Variants in EFCAB5 observed in about 807,000 individuals in gnomAD.
EFCAB5 encodes EF-hand calcium-binding domain-containing protein 5.
Under a neutral mutation model 167.9 loss-of-function variants are expected in EFCAB5, and 131 were observed. The ratio of observed to expected loss-of-function variants is 0.78; its 90% CI spans 0.68 to 0.90. The LOEUF (loss-of-function observed/expected upper bound fraction) is 0.90. Among genes scored for constraint, EFCAB5 ranks in the 40% least tolerant of loss-of-function variants. EFCAB5 has a pLI of 0.00. For synonymous variants in EFCAB5, 574 were observed against 602.8 expected (o/e 0.95, Z 0.70); for missense variants, 1,663 against 1,745.2 (o/e 0.95, Z 0.84).
intron 4 of EFCAB5, among the ~76,000 whole-genome samples, chr17:29,986,732 C>T (rs1338469381): frequency 6.8e-5 from 10 of 147,814 alleles, no homozygotes; most frequent in East Asian, 2.0e-4. Flanking sequence ...CTGCAGGCTC[C>T]GCCCCCTGGG....
In EFCAB5 at chr17:30,057,007, G is replaced by A. The variant is rs568365337; in HGVS notation, c.2366-669G>A. 5.3e-5 allele frequency among the ~76,000 whole-genome samples: 8 copies of A among 152,180 alleles called. No individual in the cohort carries two copies. The East Asian group carries it at 1.2e-3, about 22-fold the overall frequency. On this transcript the variant is annotated intron_variant, in intron 12 of 22. Transcript: ENST00000394835. ...GATTGAATCAATGAATAAATCAAAC[G>A]GAAGTCACTTTGCTGACATTTTATG...
intron 5 of EFCAB5, among the ~76,000 whole-genome samples, chr17:29,994,907 C>A (rs1038372936): frequency 1.3e-5 from 2 of 152,174 alleles, no homozygotes; most frequent in African/African-American, 4.8e-5. Context: ...TTAACCATTT[C>A]AATGCAGTAT....
At chr17:30,074,124 T>G (rs944981259) in intron 14 of EFCAB5, 3 of 152,344 alleles carry the variant, frequency 2.0e-5, no homozygotes, top group Admixed American at 6.5e-5. Flanking sequence ...AGCATAATTT[T>G]TACTTTTTTA....
At chr17:29,978,976 A>G (rs2068116422) in intron 4 of EFCAB5, among the ~76,000 whole-genome samples, 1 of 152,120 alleles carries the variant, frequency 6.6e-6, no homozygotes, top group South Asian at 2.1e-4. Flanking sequence ...AGTGGGGAGT[A>G]TGCTTACTCT....
chr17:30,006,588 T>C (rs2068778460), intron 7 of EFCAB5, among the ~76,000 whole-genome samples: 1 of 152,276 alleles, frequency 6.6e-6, no homozygotes, highest in East Asian at 1.9e-4. Context: ...TCTACATTAC[T>C]ATTTTCTTCC....
intron 4 of EFCAB5, among the ~76,000 whole-genome samples, chr17:29,992,689 G>T (rs1459239184): frequency 6.6e-6 from 1 of 152,176 alleles, no homozygotes; most frequent in African/African-American, 2.4e-5. Flanking sequence ...CCATTTGTCT[G>T]TTGGAGGACA....
Position 30,082,952 on chromosome 17 carries a change from A to G in EFCAB5, c.3488A>G (p.His1163Arg). ...HYVHSREHILHIVITGIGWLY... is the reference protein window; with the variant it reads ...HYVHSREHILRIVITGIGWLY... ...GTCCACAGCCGGGAGCACATTCTGC[A>G]TATTGTGATCACTGGCATAGGCTGG... Residue 1163 changes from histidine to arginine, a missense_variant, in exon 18 of 23, where the codon CAT becomes CGT. By Grantham distance (29) the His-to-Arg change is conservative. Transcript: ENST00000394835. 6.2e-7 allele frequency: 1 copy of G among 1,613,996 alleles called. No homozygotes were observed. Among genetic ancestry groups the G allele is most frequent in the South Asian group, 1.1e-5 (1 of 91,082 alleles).
At chr17:30,017,113 G>C (rs1027462191) in intron 7 of EFCAB5, among the ~76,000 whole-genome samples, 2 of 152,012 alleles carry the variant, frequency 1.3e-5, no homozygotes, top group African/African-American at 4.8e-5. Flanking sequence ...GGAGGTTGCA[G>C]CTATAGTGAG....
chr17:29,977,303 A>G (rs994734556), intron 4 of EFCAB5, among the ~76,000 whole-genome samples: 3 of 152,284 alleles, frequency 2.0e-5, no homozygotes, highest in African/African-American at 7.2e-5. Context: ...AATTCATAAA[A>G]CTATGTGCCA....
intron 8 of EFCAB5, among the ~76,000 whole-genome samples, chr17:30,050,683 A>G (rs936601352): frequency 6.6e-6 from 1 of 152,152 alleles, no homozygotes; most frequent in African/African-American, 2.4e-5. Flanking sequence ...AACAATCATT[A>G]TTTCTGGGTG....
intron 8 of EFCAB5, among the ~76,000 whole-genome samples, chr17:30,044,173 C>T (rs980471911): frequency 5.9e-5 from 9 of 152,096 alleles, no homozygotes; most frequent in African/African-American, 1.9e-4. Context: ...TTCAATTATT[C>T]ATCAGATTAT....
At chr17:29,958,183 T>A (rs926411211) in intron 3 of EFCAB5, among the ~76,000 whole-genome samples, 2 of 152,234 alleles carry the variant, frequency 1.3e-5, no homozygotes, top group Non-Finnish European at 2.9e-5. Flanking sequence ...CTGAATATTG[T>A]TATCTTTTTC....
chr17:30,090,863 G>A (rs572391516), intron 20 of EFCAB5, among the ~76,000 whole-genome samples, 189 bp downstream of exon 20: 1 of 152,144 alleles, frequency 6.6e-6, no homozygotes, highest in South Asian at 2.1e-4. Context: ...GAAACAGCCT[G>A]GAATCACATT....
intron 7 of EFCAB5, 114 bp downstream of exon 7, chr17:30,000,090 T>C: frequency 1.5e-6 from 1 of 687,212 alleles, no homozygotes; most frequent in Non-Finnish European, 2.4e-6. Context: ...AAAACTTATT[T>C]TATACATTCT....
In EFCAB5 at chr17:29,942,272, G is replaced by A. The variant is rs751355455; in HGVS notation, c.75G>A (p.Trp25Ter). 9 of 1,590,918 alleles carry A rather than the reference G, an allele frequency of 5.7e-6. No individual in the cohort carries two copies. Residue 25 changes from tryptophan (W) to a stop codon, truncating the protein, a stop_gained, in exon 2 of 23, where the codon TGG (tryptophan) becomes TGA (stop). Transcript: ENST00000394835. LOFTEE classifies it high-confidence loss of function. ...ENRKEDKERKWNLTEVKELHE... is the reference protein window; with the variant it reads ...ENRKEDKERK Reference sequence around the variant, plus strand: ...GAAAAGAAGACAAAGAGAGGAAATGGAACTTAACTGAAGTGAAAGAGCTTC... The same window carrying A: ...GAAAAGAAGACAAAGAGAGGAAATGAAACTTAACTGAAGTGAAAGAGCTTC...
chr17:30,020,593 G>A lies in EFCAB5; in HGVS notation c.1045-13637G>A, dbSNP rs1392020936. On this transcript the variant is annotated intron_variant, in intron 7 of 22. Coordinates refer to ENST00000394835, the MANE Select transcript of EFCAB5 (RefSeq NM_198529.4). ...TGGTCTCAAACTCCTGACCTCAGGT[G>A]ACCCACCCGCCTCGGCCTCCCTAAG... Among the ~76,000 whole-genome samples the A allele has an allele frequency of 5.3e-5, 8 of 152,008 alleles. No individual in the cohort carries two copies. The East Asian group carries it at 1.5e-3, about 29-fold the overall frequency.
rs370078708 is a variant in EFCAB5, at chr17:30,078,091, A to T, written c.2738-124A>T. 6.1e-6 allele frequency: 6 copies of T among 985,504 alleles called. No individual in the cohort carries two copies. The African/African-American group carries it at 8.2e-5, about 13-fold the overall frequency. 61.0% of individuals were successfully genotyped at this position (985,504 alleles called of 1,614,324 possible). A position where few individuals can be genotyped will look rare whatever the true frequency, so the allele number is the denominator to read the frequency against. On this transcript the variant is annotated intron_variant, in intron 14 of 22. Transcript: ENST00000394835. ...CACTGGGCTCAGAGATGCCTTTGGT[A>T]TACTTGGTTTTCCAGGAGAGCAGTT...
At chr17:29,934,736 A>G (rs1217570075) in intron 1 of EFCAB5, among the ~76,000 whole-genome samples, 1 of 152,158 alleles carries the variant, frequency 6.6e-6, no homozygotes, top group Non-Finnish European at 1.5e-5. Flanking sequence ...GCTTGGCAAG[A>G]ACTTCATTGT....
intron 3 of EFCAB5, among the ~76,000 whole-genome samples, chr17:29,961,594 G>A (rs1457183166): frequency 6.6e-6 from 1 of 151,906 alleles, no homozygotes; most frequent in Non-Finnish European, 1.5e-5. Context: ...GGTTTTGTTT[G>A]TTTGTTTTTA....
Sources: gnomAD v4.1 joint callset for allele counts (sites outside exome capture counted in the v4.1 genomes callset) on GRCh38, gnomAD v4.1.1 for gene constraint, MANE v1.5 for transcripts, NCBI Gene and HGNC (gene_info 2026-07-23, HGNC 2026-07-21) for gene names.